HRH1: variants seen among roughly 807,000 people sequenced by gnomAD.
HRH1 encodes the protein histamine H1 receptor.
Under a neutral mutation model 10.3 loss-of-function variants are expected in HRH1, and 6 were observed. The observed-to-expected ratio is 0.58, with a 90% CI of 0.32 to 1.15. HRH1 has a LOEUF of 1.15. Ranked by LOEUF, HRH1 falls within the 50% of genes most tolerant of loss-of-function variation. The probability of loss-of-function intolerance (pLI) is 0.05; values close to 1 mark genes in which losing one functional copy is unlikely to be tolerated. For missense variants in HRH1, 514 were observed against 615.3 expected (o/e 0.84, Z 1.74); for synonymous variants, 242 against 236.7 (o/e 1.02, Z -0.21).
Position 11,258,786 on chromosome 3 carries a change from T to G in HRH1, c.-35-217T>G, listed in dbSNP as rs548429121. Among the ~76,000 whole-genome samples the G allele has an allele frequency of 5.9e-5, 9 of 152,290 alleles. No homozygotes were observed. In the East Asian group the frequency reaches 1.7e-3, roughly 29 times the overall value. ...TTGTCTATTTTGTTCACAGCTATATTCTCAACACCTAGAAGAGTGACAGAA... is the reference window on the plus strand; with the variant it reads ...TTGTCTATTTTGTTCACAGCTATATGCTCAACACCTAGAAGAGTGACAGAA... On this transcript the variant is annotated intron_variant, in intron 1 of 1. Transcript: ENST00000431010.
At chr3:11,248,471 C>A (rs1939548400) in intron 1 of HRH1, among the ~76,000 whole-genome samples, 1 of 152,188 alleles carries the variant, frequency 6.6e-6, no homozygotes, top group Non-Finnish European at 1.5e-5. Flanking sequence ...ATTCTGTCTT[C>A]AGCTTTCTTG....
chr3:11,238,691 T>TC (rs1042789346), intron 1 of HRH1, among the ~76,000 whole-genome samples: 27 of 152,074 alleles, frequency 1.8e-4, no homozygotes, highest in African/African-American at 6.3e-4. Flanking sequence ...TCCCTTCCTG[T>TC]CCCCCCCTCC....
At chr3:11,181,673 C>T (rs1188828392) in intron 1 of HRH1, among the ~76,000 whole-genome samples, 5 of 148,210 alleles carry the variant, frequency 3.4e-5, no homozygotes, top group Admixed American at 6.7e-5. Flanking sequence ...GCTCCGTCGC[C>T]CAGGCTGGAG....
At chr3:11,245,505 G>A (rs571443753) in intron 1 of HRH1, among the ~76,000 whole-genome samples, 41 of 152,244 alleles carry the variant, frequency 2.7e-4, no homozygotes, top group Non-Finnish European at 5.1e-4. Context: ...ATGCCTCTTG[G>A]GCTTGCGGGC....
At chr3:11,204,924 C>G (rs1938062704) in intron 1 of HRH1, among the ~76,000 whole-genome samples, 1 of 152,120 alleles carries the variant, frequency 6.6e-6, no homozygotes, top group Non-Finnish European at 1.5e-5. Context: ...CAGGGAGAGC[C>G]CAACCAGGCT....
At chr3:11,199,027 A>C (rs1186018135) in intron 1 of HRH1, among the ~76,000 whole-genome samples, 2 of 151,562 alleles carry the variant, frequency 1.3e-5, no homozygotes, top group Non-Finnish European at 2.9e-5. Flanking sequence ...AGGTTCAAGC[A>C]ACTCTCATAC....
chr3:11,196,892 G>A (rs972375115), intron 1 of HRH1, among the ~76,000 whole-genome samples: 22 of 148,940 alleles, frequency 1.5e-4, no homozygotes, highest in African/African-American at 2.5e-4. Flanking sequence ...GTCAGATCAC[G>A]AGGTCGGGAG....
intron 1 of HRH1, among the ~76,000 whole-genome samples, chr3:11,197,728 T>C (rs928552172): frequency 2.6e-5 from 4 of 152,146 alleles, no homozygotes; most frequent in African/African-American, 9.7e-5. Flanking sequence ...TTACAGTAAA[T>C]GATTACATTC....
intron 1 of HRH1, among the ~76,000 whole-genome samples, chr3:11,197,411 G>A (rs967782415): frequency 3.3e-5 from 5 of 152,250 alleles, no homozygotes; most frequent in African/African-American, 1.2e-4. Flanking sequence ...GGCATCTATA[G>A]GCAAAGATAT....
intron 1 of HRH1, among the ~76,000 whole-genome samples, chr3:11,175,292 C>T (rs1937228883): frequency 6.6e-6 from 1 of 152,202 alleles, no homozygotes; most frequent in African/African-American, 2.4e-5. Context: ...TATTCAGACA[C>T]CCCCAGGTCA....
At chr3:11,139,645 G>A (rs1936254122) in intron 1 of HRH1, among the ~76,000 whole-genome samples, 1 of 151,990 alleles carries the variant, frequency 6.6e-6, no homozygotes, top group Admixed American at 6.6e-5. Flanking sequence ...CACAAATTGT[G>A]GAATATTCAC....
At chr3:11,181,833 A>G (rs1157736041) in intron 1 of HRH1, among the ~76,000 whole-genome samples, 7 of 151,962 alleles carry the variant, frequency 4.6e-5, no homozygotes, top group African/African-American at 1.2e-4. Context: ...GGGTTTCACC[A>G]TGTTAGCCAG....
intron 1 of HRH1, among the ~76,000 whole-genome samples, chr3:11,144,277 A>G (rs1187313542): frequency 6.6e-6 from 1 of 151,672 alleles, no homozygotes; most frequent in Non-Finnish European, 1.5e-5. Flanking sequence ...ACTATTCACA[A>G]CAACAAAATC....
chr3:11,224,699 CAAA>C (rs60472027), intron 1 of HRH1, among the ~76,000 whole-genome samples: 10 of 100,514 alleles, frequency 9.9e-5, no homozygotes, highest in Admixed American at 9.2e-5. Flanking sequence ...GACTCCATCT[CAAA>C]AAAAAAAAAA....
At chr3:11,221,273 C>T (rs2125039931) in intron 1 of HRH1, among the ~76,000 whole-genome samples, 1 of 152,146 alleles carries the variant, frequency 6.6e-6, no homozygotes, top group East Asian at 1.9e-4. Flanking sequence ...TAACACGGGG[C>T]CAGGTGCAGT....
chr3:11,231,839 A>G (rs1330042527), intron 1 of HRH1, among the ~76,000 whole-genome samples: 4 of 151,964 alleles, frequency 2.6e-5, no homozygotes, highest in Admixed American at 6.6e-5. Flanking sequence ...ATGGGGTCCA[A>G]TTCATTGTTT....
intron 1 of HRH1, among the ~76,000 whole-genome samples, chr3:11,172,704 C>CTTTTTTTTTTTT (rs537415650): frequency 6.9e-5 from 9 of 130,888 alleles, no homozygotes; most frequent in Middle Eastern, 4.0e-3. Flanking sequence ...TTTGGCGAAT[C>CTTTTTTTTTTTT]TTTTTTTTTT....
intron 1 of HRH1, among the ~76,000 whole-genome samples, chr3:11,170,751 G>T (rs1937136183): frequency 6.6e-6 from 1 of 152,240 alleles, no homozygotes; most frequent in African/African-American, 2.4e-5. Context: ...CCCCCTGGAG[G>T]ATGAGGTATG....
At chr3:11,197,777 A>T (rs753367519) in intron 1 of HRH1, among the ~76,000 whole-genome samples, 1 of 152,194 alleles carries the variant, frequency 6.6e-6, no homozygotes, top group African/African-American at 2.4e-5. Context: ...AATTGAAGGA[A>T]AAAAACAGCT....
Sources: allele counts gnomAD v4.1 joint callset (sites outside exome capture counted in the v4.1 genomes callset), GRCh38; gene constraint gnomAD v4.1.1; transcripts MANE v1.5; gene names NCBI Gene and HGNC (gene_info 2026-07-23, HGNC 2026-07-21).